BCL2L13: variants seen among roughly 807,000 people sequenced by gnomAD.
BCL2L13 encodes the protein bcl-2-like protein 13.
In BCL2L13, 13 loss-of-function variants were observed where a neutral mutation model predicts 25.8. The observed-to-expected ratio is 0.50, with a 90% CI of 0.33 to 0.80. BCL2L13 has a LOEUF of 0.80. Among genes scored for constraint, BCL2L13 ranks in the 30% least tolerant of loss-of-function variants. The pLI is 0.02. For synonymous variants in BCL2L13, 244 were observed against 230.3 expected (o/e 1.06, Z -0.54); for missense variants, 504 against 574.9 (o/e 0.88, Z 1.26).
intron 1 of BCL2L13, among the ~76,000 whole-genome samples, chr22:17,646,594 T>C (rs1305561701): frequency 6.6e-6 from 1 of 151,098 alleles, no homozygotes; most frequent in Non-Finnish European, 1.5e-5. Flanking sequence ...ATTTACTCAC[T>C]TCTGGATACC....
At position 17,726,907 on chromosome 22, in the gene BCL2L13, G is replaced by A. The variant is rs770670565; in HGVS notation, c.831G>A (p.Gln277=). 6.2e-7 allele frequency: 1 copy of A among 1,614,232 alleles called. No individual in the cohort carries two copies. Among genetic ancestry groups the A allele is most frequent in the Non-Finnish European group, 8.5e-7 (1 of 1,180,054 alleles). ...TGTCACTAGGCCCTGAGTCCTGGCA[G>A]CAGATTGCAATGGATCCTGAAGAAG... ...LPVSLGPESW[Q]QIAMDPEEVK... Residue 277 remains glutamine (Q), a synonymous_variant, in exon 7 of 7, where the codon CAG becomes CAA. Transcript: ENST00000317582.
rs1332850358 is a variant in BCL2L13, at chr22:17,726,984, C to T, written c.908C>T (p.Ser303Phe). The T allele has an allele frequency of 1.2e-6, 2 of 1,614,168 alleles. No individual in the cohort carries two copies. The highest frequency in any genetic ancestry group is 1.1e-5 in the South Asian group (1 of 91,084). The stretch of plus-strand genomic sequence containing the variant: ...GGAGAGAAGAGTGAGAACAACTCCT[C>T]TAATTCTGACATTGTGCACGTGGAG... Reference protein sequence around the residue: ...GAGEKSENNSSNSDIVHVEKE... With the variant: ...GAGEKSENNSFNSDIVHVEKE... Residue 303 changes from serine to phenylalanine, a missense_variant, in exon 7 of 7, where the codon TCT becomes TTT. Transcript: ENST00000317582.
intron 2 of BCL2L13, among the ~76,000 whole-genome samples, chr22:17,675,019 C>T (rs2059537064): frequency 1.3e-5 from 2 of 151,936 alleles, no homozygotes; most frequent in Admixed American, 1.3e-4. Flanking sequence ...TATACTAGTG[C>T]TGAGCTGTGA....
At chr22:17,684,018 T>C (rs991731284) in intron 3 of BCL2L13, among the ~76,000 whole-genome samples, 36 of 152,194 alleles carry the variant, frequency 2.4e-4, no homozygotes, top group African/African-American at 7.7e-4. Context: ...ATTATTCCTT[T>C]TTTCACTGGA....
At position 17,727,648 on chromosome 22, in the gene BCL2L13, A is replaced by G. The variant is rs2061334118; in HGVS notation, c.*114A>G. On this transcript the variant is annotated 3_prime_UTR_variant, in exon 7 of 7. Transcript: ENST00000317582. ...GTGGAACACTCTGGGATAATTGGGG[A>G]CTTCTGCTCAACATGGCAGTGGCAT... 5 of 1,423,836 alleles carry G rather than the reference A, an allele frequency of 3.5e-6. No homozygotes were observed. The highest frequency in any genetic ancestry group is 3.8e-6 in the Non-Finnish European group (4 of 1,054,260). The allele number at this position is 1,423,836 out of a possible 1,614,324, so 88.2% of individuals were successfully genotyped here. A position where few individuals can be genotyped will look rare whatever the true frequency, so the allele number is the denominator to read the frequency against.
chr22:17,682,746 T>C (rs531008370), intron 2 of BCL2L13, among the ~76,000 whole-genome samples: 1 of 152,306 alleles, frequency 6.6e-6, no homozygotes, highest in South Asian at 2.1e-4. Flanking sequence ...AAAGGTTGTT[T>C]TTGATTTTTG....
chr22:17,665,575 C>T (rs1331404604), intron 2 of BCL2L13, among the ~76,000 whole-genome samples: 2 of 152,134 alleles, frequency 1.3e-5, no homozygotes, highest in African/African-American at 4.8e-5. Flanking sequence ...CCACCTGGCC[C>T]CGCCCTTGAC....
intron 6 of BCL2L13, among the ~76,000 whole-genome samples, chr22:17,707,454 C>G (rs2060623669): frequency 6.6e-6 from 1 of 152,046 alleles, no homozygotes; most frequent in South Asian, 2.1e-4. Context: ...TATTTTTGAG[C>G]CCTCAAAGTT....
At chr22:17,707,547 A>G (rs750149515) in intron 6 of BCL2L13, among the ~76,000 whole-genome samples, 1 of 152,214 alleles carries the variant, frequency 6.6e-6, no homozygotes, top group Non-Finnish European at 1.5e-5. Flanking sequence ...AATATTTTAT[A>G]TGAAGAATGA....
intron 2 of BCL2L13, 53 bp from the exon 3 acceptor site, chr22:17,683,161 T>C (rs1302825420): frequency 9.6e-7 from 1 of 1,038,560 alleles, no homozygotes; most frequent in Non-Finnish European, 1.5e-6. Flanking sequence ...GCTATTATAT[T>C]CTAATGGTTT....
In BCL2L13 at chr22:17,726,991, T is replaced by G. The variant is rs756685835; in HGVS notation, c.915T>G (p.Ser305=). 3 of 1,614,166 alleles carry G rather than the reference T, an allele frequency of 1.9e-6. No homozygotes were observed. Among genetic ancestry groups the G allele is most frequent in the Non-Finnish European group, 2.5e-6 (3 of 1,180,036 alleles). ...GEKSENNSSN[S]DIVHVEKEEV... The stretch of plus-strand genomic sequence containing the variant: ...AGAGTGAGAACAACTCCTCTAATTC[T>G]GACATTGTGCACGTGGAGAAAGAAG... The change falls in exon 7 of 7, where the codon TCT becomes TCG. Residue 305 remains serine (S), a synonymous_variant. Coordinates refer to ENST00000317582, the MANE Select transcript of BCL2L13 (RefSeq NM_015367.4).
chr22:17,697,741 T>C lies in BCL2L13; in HGVS notation c.456+1531T>C, dbSNP rs116783783. Among the ~76,000 whole-genome samples the C allele has an allele frequency of 3.9e-3, 598 of 152,316 alleles. 4 individuals are homozygous for C. The highest frequency in any genetic ancestry group is 0.014 in the African/African-American group (579 of 41,574). On this transcript the variant is annotated intron_variant, in intron 5 of 6. Coordinates refer to ENST00000317582, the MANE Select transcript of BCL2L13 (RefSeq NM_015367.4). ...TAGTATGTTACCTATCGGTACATAATTTGTTAAGATATCTATTTGCCTCGT... is the reference window on the plus strand; with the variant it reads ...TAGTATGTTACCTATCGGTACATAACTTGTTAAGATATCTATTTGCCTCGT...
At position 17,683,804 on chromosome 22, in the gene BCL2L13, A is replaced by G. The variant is rs573128367; in HGVS notation, c.229+483A>G. Among the ~76,000 whole-genome samples, 129 of 151,388 alleles carry G rather than the reference A, an allele frequency of 8.5e-4. 1 individual carries two copies. The highest frequency in any genetic ancestry group is 3.8e-4 in the Non-Finnish European group (26 of 67,842). ...AAATAGTTACTCTACTAACTGCGTG[A>G]AATTTCATTCACTGAATAAATGTTT... On this transcript the variant is annotated intron_variant, in intron 3 of 6. Transcript: ENST00000317582.
At chr22:17,725,318 A>G (rs2061265657) in intron 6 of BCL2L13, among the ~76,000 whole-genome samples, 1 of 152,134 alleles carries the variant, frequency 6.6e-6, no homozygotes, top group Admixed American at 6.6e-5. Context: ...TCTATTCTTC[A>G]TGGGCACTCT....
intron 1 of BCL2L13, among the ~76,000 whole-genome samples, chr22:17,647,004 T>C (rs5992086): frequency 0.33 from 42,979 of 129,552 alleles, 8,033 homozygotes; most frequent in African/African-American, 0.42. Flanking sequence ...GATGGAGTCT[T>C]GCTCTGTCAC....
intron 1 of BCL2L13, among the ~76,000 whole-genome samples, chr22:17,655,327 A>C (rs1168788928): frequency 6.7e-6 from 1 of 149,984 alleles, no homozygotes; most frequent in Non-Finnish European, 1.5e-5. Context: ...AATAAGCAGG[A>C]GTATACTCTA....
At chr22:17,641,823 T>C (rs1303748691) in intron 1 of BCL2L13, among the ~76,000 whole-genome samples, 1 of 145,302 alleles carries the variant, frequency 6.9e-6, no homozygotes, top group Non-Finnish European at 1.5e-5. Flanking sequence ...TTTTTGAGAA[T>C]GAGTCTCACT....
At chr22:17,676,505 A>G (rs1192888582) in intron 2 of BCL2L13, among the ~76,000 whole-genome samples, 1 of 152,126 alleles carries the variant, frequency 6.6e-6, no homozygotes, top group Non-Finnish European at 1.5e-5. Flanking sequence ...CAAGAAGATT[A>G]TTTTCCTTGC....
rs1421591040 is a variant in BCL2L13, at chr22:17,680,075, G to A, written c.122-3139G>A. On this transcript the variant is annotated intron_variant, in intron 2 of 6. Transcript: ENST00000317582. ...TAAAAATACAAAAAATTAGCCGGGC[G>A]TGTTGGCAGGCACTTGTAATTCCAG... 3.3e-5 allele frequency among the ~76,000 whole-genome samples: 5 copies of A among 151,788 alleles called. No homozygotes were observed. In the South Asian group the frequency reaches 6.2e-4, roughly 19 times the overall value.
Sources: gnomAD v4.1 joint callset for allele counts (sites outside exome capture counted in the v4.1 genomes callset) on GRCh38, gnomAD v4.1.1 for gene constraint, MANE v1.5 for transcripts, NCBI Gene and HGNC (gene_info 2026-07-23, HGNC 2026-07-21) for gene names.